CMC1: variants seen among roughly 807,000 people sequenced by gnomAD.
CMC1 encodes the protein COX assembly mitochondrial protein homolog.
Under a neutral mutation model 14.1 loss-of-function variants are expected in CMC1, and 14 were observed. The observed-to-expected ratio is 0.99, with a 90% confidence interval of 0.66 to 1.55. The LOEUF (loss-of-function observed/expected upper bound fraction) is 1.55, where lower values mean the gene tolerates loss of function less well. Among genes scored for constraint, CMC1 ranks in the 40% most tolerant of loss-of-function variants. CMC1 has a pLI of 0.00. For synonymous variants in CMC1, 50 were observed against 38.4 expected, an observed-to-expected ratio of 1.30 and a Z score of -1.12; for missense variants, 127 against 123.8, an observed-to-expected ratio of 1.03 and a Z score of -0.12.
rs1269362903 is a variant in CMC1, at chr3:28,322,910, C to A, written c.*3281C>A. 1 of 151,038 alleles carries A rather than the reference C, an allele frequency of 6.6e-6. No individual in the cohort carries two copies. Among genetic ancestry groups the A allele is most frequent in the Non-Finnish European group, 1.5e-5 (1 of 67,340 alleles). 9.4% of individuals were successfully genotyped at this position (151,038 alleles called of 1,614,324 possible). A position where few individuals can be genotyped will look rare whatever the true frequency, so the allele number is the denominator to read the frequency against. ...TCCTCCTACATGAAATACTTTAATT[C>A]AGGCAAAAGGTGTATGAACCAAGTA... On this transcript the variant is annotated 3_prime_UTR_variant, in exon 4 of 4. Coordinates refer to ENST00000466830, the MANE Select transcript of CMC1 (RefSeq NM_182523.2).
intron 2 of CMC1, among the ~76,000 whole-genome samples, chr3:28,286,408 G>GT (rs1160680533): frequency 1.3e-5 from 2 of 152,064 alleles, no homozygotes; most frequent in African/African-American, 4.8e-5. Flanking sequence ...TTTTTTCCCT[G>GT]TAAGTTTTAA....
intron 2 of CMC1, among the ~76,000 whole-genome samples, chr3:28,284,821 A>G (rs1292560527): frequency 1.3e-5 from 2 of 152,040 alleles, no homozygotes; most frequent in Non-Finnish European, 2.9e-5. Context: ...TATCTAGGCT[A>G]GGTGTCAGGT....
At chr3:28,318,634 G>C (rs2125619489) in intron 3 of CMC1, 1 of 152,180 alleles carries the variant, frequency 6.6e-6, no homozygotes, top group South Asian at 2.1e-4. Flanking sequence ...TTATACAGTA[G>C]TCTAGTATCT....
intron 2 of CMC1, among the ~76,000 whole-genome samples, chr3:28,269,021 A>G (rs1700140403): frequency 1.3e-5 from 2 of 152,210 alleles, no homozygotes; most frequent in African/African-American, 2.4e-5. Flanking sequence ...GAGAGACCAT[A>G]TTCACTTAAC....
At chr3:28,247,044 G>A (rs914292022) in intron 1 of CMC1, among the ~76,000 whole-genome samples, 3 of 152,010 alleles carry the variant, frequency 2.0e-5, no homozygotes, top group African/African-American at 7.2e-5. Context: ...AGTATTTTTT[G>A]TGTTCAAATT....
intron 2 of CMC1, among the ~76,000 whole-genome samples, chr3:28,272,242 A>G (rs1300274196): frequency 6.6e-6 from 1 of 152,038 alleles, no homozygotes; most frequent in Non-Finnish European, 1.5e-5. Flanking sequence ...CCTGGCCACA[A>G]TTTCCAATAC....
chr3:28,274,225 T>TTTG (rs1559415263), intron 2 of CMC1, among the ~76,000 whole-genome samples: 3 of 144,242 alleles, frequency 2.1e-5, no homozygotes, highest in Admixed American at 7.0e-5. Flanking sequence ...TTTTTCTTTT[T>TTTG]TTTTTTTTTT....
At chr3:28,295,557 C>T (rs1317597746) in intron 2 of CMC1, among the ~76,000 whole-genome samples, 1 of 152,034 alleles carries the variant, frequency 6.6e-6, no homozygotes, top group East Asian at 1.9e-4. Context: ...CTATAACTTC[C>T]TACACCCCTT....
chr3:28,279,911 C>A (rs1700788415), intron 2 of CMC1, among the ~76,000 whole-genome samples: 1 of 152,182 alleles, frequency 6.6e-6, no homozygotes, highest in African/African-American at 2.4e-5. Flanking sequence ...GACCTAGCAA[C>A]TCTTTCCAGG....
intron 2 of CMC1, among the ~76,000 whole-genome samples, chr3:28,295,224 A>T (rs1055137266): frequency 6.6e-6 from 1 of 152,152 alleles, no homozygotes; most frequent in African/African-American, 2.4e-5. Flanking sequence ...TTCCCACAAG[A>T]GTAACTTAGG....
intron 1 of CMC1, among the ~76,000 whole-genome samples, chr3:28,262,009 G>A (rs953710217): frequency 2.0e-5 from 3 of 152,146 alleles, no homozygotes; most frequent in Non-Finnish European, 2.9e-5. Context: ...AAGGTGGTAA[G>A]CATTTTAGTT....
chr3:28,244,989 A>G (rs1385484919), intron 1 of CMC1, among the ~76,000 whole-genome samples: 3 of 144,884 alleles, frequency 2.1e-5, no homozygotes, highest in Non-Finnish European at 3.0e-5. Flanking sequence ...TATTTGGTTC[A>G]TACGTTGAAG....
At chr3:28,271,954 T>C (rs1700315918) in intron 2 of CMC1, among the ~76,000 whole-genome samples, 1 of 152,164 alleles carries the variant, frequency 6.6e-6, no homozygotes, top group Non-Finnish European at 1.5e-5. Flanking sequence ...TTGTAAACTG[T>C]ATTCCTAGGT....
intron 2 of CMC1, among the ~76,000 whole-genome samples, chr3:28,303,789 C>G (rs958060969): frequency 6.6e-6 from 1 of 151,988 alleles, no homozygotes; most frequent in African/African-American, 2.4e-5. Flanking sequence ...CATTTATATA[C>G]AAATGCACAA....
chr3:28,308,788 T>G (rs1254912359), intron 2 of CMC1, among the ~76,000 whole-genome samples: 1 of 152,016 alleles, frequency 6.6e-6, no homozygotes, highest in Non-Finnish European at 1.5e-5. Flanking sequence ...ATCGAGACCA[T>G]CCTGGCCAAC....
intron 2 of CMC1, among the ~76,000 whole-genome samples, chr3:28,288,895 A>C (rs1463149504): frequency 6.6e-6 from 1 of 151,722 alleles, no homozygotes; most frequent in Non-Finnish European, 1.5e-5. Context: ...TGAAAAAGTG[A>C]TTATTAAAAC....
chr3:28,310,224 G>A (rs187865821), intron 2 of CMC1, among the ~76,000 whole-genome samples: 1 of 152,270 alleles, frequency 6.6e-6, no homozygotes, highest in Admixed American at 6.5e-5. Context: ...CCCAGAGCAG[G>A]TATCAACTCA....
At chr3:28,258,094 T>C (rs903736383) in intron 1 of CMC1, among the ~76,000 whole-genome samples, 1 of 121,898 alleles carries the variant, frequency 8.2e-6, no homozygotes, top group African/African-American at 3.2e-5. Context: ...ATACTTACAA[T>C]TTGCATATCA....
At chr3:28,274,768 C>G (rs1249294746) in intron 2 of CMC1, among the ~76,000 whole-genome samples, 1 of 151,608 alleles carries the variant, frequency 6.6e-6, no homozygotes, top group Non-Finnish European at 1.5e-5. Flanking sequence ...TAGGTTTGGT[C>G]TTTTTACATA....
Sources: gnomAD v4.1 joint callset for allele counts (sites outside exome capture counted in the v4.1 genomes callset) on GRCh38, gnomAD v4.1.1 for gene constraint, MANE v1.5 for transcripts, NCBI Gene and HGNC (gene_info 2026-07-23, HGNC 2026-07-21) for gene names.